FRS2: variants seen among roughly 807,000 people sequenced by gnomAD.
FRS2 encodes FGFR signalling adaptor.
A neutral mutation model predicts 43.9 loss-of-function variants in FRS2; 8 were observed. The ratio of observed to expected loss-of-function variants is 0.18; its 90% CI spans 0.11 to 0.33. FRS2 has a LOEUF of 0.33. Ranked by LOEUF, FRS2 falls within the 10% of genes least tolerant of loss-of-function variation. FRS2 has a pLI of 1.00. For missense variants in FRS2, 534 were observed against 627.6 expected (o/e 0.85, Z 1.59); for synonymous variants, 219 against 220.3 (o/e 0.99, Z 0.05).
rs1874466646 is a variant in FRS2 at position 69,511,654 on chromosome 12, T to TGCCC, written c.-260-19211_-260-19210insGCCC. Among the ~76,000 whole-genome samples, 4 of 152,178 alleles carry TGCCC rather than the reference T, an allele frequency of 2.6e-5. No individual in the cohort carries two copies. The South Asian group carries it at 8.3e-4, about 32-fold the overall frequency. On this transcript the variant is annotated intron_variant, in intron 1 of 8. Transcript: ENST00000549921. ...TTAGGTCAGTCGTTGAGTTCTATGA[T>TGCCC]CCATTACAAAGGAATGGTAAACTGC...
intron 1 of FRS2, among the ~76,000 whole-genome samples, chr12:69,500,146 A>C (rs935435032): frequency 6.6e-6 from 1 of 152,212 alleles, no homozygotes; most frequent in African/African-American, 2.4e-5. Flanking sequence ...TAACAACGAA[A>C]TAATGGTATT....
At chr12:69,480,038 C>T (rs1326946183) in intron 1 of FRS2, among the ~76,000 whole-genome samples, 1 of 152,080 alleles carries the variant, frequency 6.6e-6, no homozygotes, top group Non-Finnish European at 1.5e-5. Flanking sequence ...TTAGCTACTT[C>T]TCTCTTCAGC....
chr12:69,578,491 C>T lies in FRS2; in HGVS notation c.*3536C>T. The T allele has an allele frequency of 6.6e-6, 1 of 152,548 alleles. No individual in the cohort carries two copies. 9.4% of individuals were successfully genotyped at this position (152,548 alleles called of 1,614,324 possible). On this transcript the variant is annotated 3_prime_UTR_variant, in exon 9 of 9. Transcript: ENST00000549921. ...CTTTCCTGTTCTTTACATCCCTGTT[C>T]CCCATCCCTACTTCCTCATTTTTGG...
intron 1 of FRS2, among the ~76,000 whole-genome samples, chr12:69,503,194 C>T (rs970937286): frequency 2.0e-5 from 3 of 152,148 alleles, no homozygotes; most frequent in African/African-American, 7.2e-5. Context: ...AGCTGGGAGC[C>T]ACTCTCAGCT....
At chr12:69,497,171 G>A (rs763103310) in intron 1 of FRS2, among the ~76,000 whole-genome samples, 1 of 152,126 alleles carries the variant, frequency 6.6e-6, no homozygotes, top group Non-Finnish European at 1.5e-5. Context: ...CCTACAGGCC[G>A]GTGTTTAGAA....
At chr12:69,561,234 T>C (rs1593057149) in intron 3 of FRS2, among the ~76,000 whole-genome samples, 2 of 152,262 alleles carry the variant, frequency 1.3e-5, no homozygotes, top group African/African-American at 4.8e-5. Context: ...TAAAGTGAGA[T>C]GTAGCAGCAT....
At position 69,574,099 on chromosome 12, in the gene FRS2, A is replaced by G; in HGVS notation, c.671A>G (p.Glu224Gly). ...TTGGAGGCGAGGGTTTCTAACGCTGAAAGCAGCACACCAAAAGAAGAACCA... is the reference window on the plus strand; with the variant it reads ...TTGGAGGCGAGGGTTTCTAACGCTGGAAGCAGCACACCAAAAGAAGAACCA... ...VPLEARVSNA[E>G]SSTPKEEPSS... Residue 224 changes from glutamate to glycine, a missense_variant, in exon 9 of 9, where the codon GAA becomes GGA. Physicochemically the swap from Glu to Gly is moderately conservative, Grantham distance 98 (BLOSUM62 -2). Around this residue, in one of 3 missense-constraint regions of FRS2, gnomAD observed 446 missense variants for 494.2 expected, o/e 0.90. Transcript: ENST00000549921. 6.2e-7 allele frequency: 1 copy of G among 1,614,210 alleles called. No homozygotes were observed. Among genetic ancestry groups the G allele is most frequent in the South Asian group, 1.1e-5 (1 of 91,088 alleles).
intron 1 of FRS2, among the ~76,000 whole-genome samples, chr12:69,508,476 G>A (rs909404611): frequency 6.6e-6 from 1 of 152,140 alleles, no homozygotes; most frequent in East Asian, 1.9e-4. Context: ...ATTACTGGAA[G>A]TCCTAAGAAT....
intron 1 of FRS2, among the ~76,000 whole-genome samples, chr12:69,520,383 T>G (rs895900186): frequency 4.6e-5 from 7 of 150,792 alleles, no homozygotes; most frequent in Admixed American, 1.3e-4. Context: ...TTAGTTTTTT[T>G]TTTTTTTTTT....
In FRS2 at chr12:69,570,618, C is replaced by T. The variant is rs1880671583; in HGVS notation, c.253+101C>T. ...TTAATATTTTTCTTCTGAAAAAAAT[C>T]CCAAAATAAACAGATTGTTAAGGAA... is the stretch of plus-strand genomic sequence containing the variant. On this transcript the variant is annotated intron_variant, in intron 6 of 8. Transcript: ENST00000549921. 2.8e-6 allele frequency: 2 copies of T among 705,914 alleles called. 1 individual carries two copies. Among genetic ancestry groups the T allele is most frequent in the Non-Finnish European group, 4.8e-6 (2 of 420,530 alleles). 43.7% of individuals were successfully genotyped at this position (705,914 alleles called of 1,614,324 possible). A position where few individuals can be genotyped will look rare whatever the true frequency, so the allele number is the denominator to read the frequency against.
chr12:69,557,619 T>TGTGTGTGTGTGTGTGTGCGC (rs1555192498), intron 3 of FRS2, among the ~76,000 whole-genome samples: 86 of 119,006 alleles, frequency 7.2e-4, no homozygotes, highest in East Asian at 6.2e-3. Context: ...TGTGTGTGTG[T>TGTGTGTGTGTGTGTGTGCGC]GCGCGCGCGC....
intron 3 of FRS2, among the ~76,000 whole-genome samples, chr12:69,539,943 G>T (rs910065588): frequency 7.4e-6 from 1 of 134,248 alleles, no homozygotes; most frequent in Admixed American, 7.4e-5. Flanking sequence ...CGACAGTGCG[G>T]GACTCCGTCT....
At chr12:69,488,734 A>G (rs1371031577) in intron 1 of FRS2, among the ~76,000 whole-genome samples, 1 of 152,236 alleles carries the variant, frequency 6.6e-6, no homozygotes, top group Non-Finnish European at 1.5e-5. Flanking sequence ...TTTTCAACAT[A>G]ATTTTCACAG....
At chr12:69,477,332 G>C (rs1202376959) in intron 1 of FRS2, among the ~76,000 whole-genome samples, 3 of 140,688 alleles carry the variant, frequency 2.1e-5, no homozygotes, top group South Asian at 2.3e-4. Context: ...CCAGGTTGGA[G>C]TGCAGTGGCG....
chr12:69,572,102 A>G lies in FRS2; in HGVS notation c.413-16A>G, dbSNP rs1880814692. 2.5e-6 allele frequency: 4 copies of G among 1,610,542 alleles called. No individual in the cohort carries two copies. Among genetic ancestry groups the G allele is most frequent in the East Asian group, 2.2e-5 (1 of 44,804 alleles). On this transcript the variant is annotated splice_polypyrimidine_tract_variant and intron_variant, in intron 7 of 8. Transcript: ENST00000549921. Reference sequence around the variant, plus strand: ...CCCCGCCCCCCTTTTCCTTAAACCAATAAACAAAAACTCAGCTCCAGGATT... The same window carrying G: ...CCCCGCCCCCCTTTTCCTTAAACCAGTAAACAAAAACTCAGCTCCAGGATT...
chr12:69,485,640 G>T (rs1871864757), intron 1 of FRS2, among the ~76,000 whole-genome samples: 1 of 152,004 alleles, frequency 6.6e-6, no homozygotes, highest in African/African-American at 2.4e-5. Flanking sequence ...CCGCTTTCAT[G>T]CCCGGCTAAT....
chr12:69,570,832 C>G (rs1372320027), intron 6 of FRS2, among the ~76,000 whole-genome samples: 2 of 152,080 alleles, frequency 1.3e-5, no homozygotes, highest in Admixed American at 6.5e-5. Context: ...TACAGGACTT[C>G]CATTGAATGT....
chr12:69,571,689 A>G (rs1215573305), intron 7 of FRS2, among the ~76,000 whole-genome samples: 1 of 151,946 alleles, frequency 6.6e-6, no homozygotes, highest in East Asian at 1.9e-4. Flanking sequence ...GTGAACCTCC[A>G]TCTCTACTAA....
At chr12:69,565,153 C>G (rs1265559205) in intron 4 of FRS2, among the ~76,000 whole-genome samples, 1 of 152,220 alleles carries the variant, frequency 6.6e-6, no homozygotes, top group Admixed American at 6.5e-5. Context: ...CATCACTGTA[C>G]TGAATACTAT....
Sources: allele counts gnomAD v4.1 joint callset (sites outside exome capture counted in the v4.1 genomes callset), GRCh38; gene constraint gnomAD v4.1.1; regional missense constraint gnomAD v4.1.1; transcripts MANE v1.5; gene names NCBI Gene and HGNC (gene_info 2026-07-23, HGNC 2026-07-21).